DENND5A: variants seen among roughly 807,000 people sequenced by gnomAD.
DENND5A encodes DENN domain-containing protein 5A.
In DENND5A, 64 loss-of-function variants were observed where a neutral mutation model predicts 140.3. That is an observed-to-expected ratio of 0.46 (90% CI 0.37 to 0.56). The LOEUF (loss-of-function observed/expected upper bound fraction) is 0.56. Ranked by LOEUF, DENND5A falls within the 20% of genes least tolerant of loss-of-function variation. DENND5A has a pLI of 0.00. For missense variants in DENND5A, 1,292 were observed against 1,593.8 expected (o/e 0.81, Z 3.22); for synonymous variants, 605 against 607.7 (o/e 1.00, Z 0.07).
chr11:9,166,235 C>T (rs975997116), intron 10 of DENND5A, among the ~76,000 whole-genome samples: 3 of 151,892 alleles, frequency 2.0e-5, no homozygotes, highest in African/African-American at 4.8e-5. Flanking sequence ...TGTGCCACCA[C>T]GCCCGGCTAA....
At chr11:9,147,697 G>T (rs1157345733) in intron 15 of DENND5A, among the ~76,000 whole-genome samples, 5 of 152,240 alleles carry the variant, frequency 3.3e-5, no homozygotes, top group Non-Finnish European at 7.3e-5. Context: ...CCAGGTCACA[G>T]GCAAGGAAGA....
At chr11:9,250,166 A>G (rs893492904) in intron 1 of DENND5A, among the ~76,000 whole-genome samples, 2 of 152,026 alleles carry the variant, frequency 1.3e-5, no homozygotes, top group African/African-American at 2.4e-5. Flanking sequence ...CATGCATATT[A>G]TAGGCTACAC....
chr11:9,256,947 T>C (rs1851972280), intron 1 of DENND5A, among the ~76,000 whole-genome samples: 1 of 152,104 alleles, frequency 6.6e-6, no homozygotes, highest in South Asian at 2.1e-4. Flanking sequence ...ATAAAGCAAA[T>C]GGGGCAAAAT....
chr11:9,182,315 C>G (rs1848759704), intron 5 of DENND5A, among the ~76,000 whole-genome samples: 1 of 152,094 alleles, frequency 6.6e-6, no homozygotes, highest in African/African-American at 2.4e-5. Flanking sequence ...GACTCCCTCT[C>G]AAAAAACAAA....
intron 1 of DENND5A, among the ~76,000 whole-genome samples, chr11:9,231,188 G>C (rs1850754306): frequency 1.3e-5 from 2 of 152,156 alleles, no homozygotes; most frequent in Non-Finnish European, 2.9e-5. Context: ...CATGAAAACA[G>C]GACACATAAA....
intron 4 of DENND5A, among the ~76,000 whole-genome samples, chr11:9,198,311 A>G (rs964730472): frequency 6.2e-5 from 9 of 144,768 alleles, no homozygotes; most frequent in Non-Finnish European, 1.2e-4. Flanking sequence ...CTCCACTTTA[A>G]AAAAAAAAAA....
At chr11:9,142,879 G>T (rs748911952) in intron 20 of DENND5A, 34 bp from the exon 21 acceptor site, 1 of 1,609,954 alleles carries the variant, frequency 6.2e-7, no homozygotes, top group Non-Finnish European at 8.5e-7. Flanking sequence ...TGCCAGGCTT[G>T]TCTCAGCCGA....
At chr11:9,243,616 G>A (rs542486395) in intron 1 of DENND5A, among the ~76,000 whole-genome samples, 11 of 152,258 alleles carry the variant, frequency 7.2e-5, no homozygotes, top group South Asian at 6.2e-4. Flanking sequence ...AGCCAGGCAC[G>A]GTGGCTCACA....
intron 5 of DENND5A, among the ~76,000 whole-genome samples, chr11:9,191,655 G>A (rs576441428): frequency 3.9e-5 from 6 of 152,310 alleles, no homozygotes; most frequent in Admixed American, 1.3e-4. Context: ...AGGGAACAAC[G>A]TTGAAAAATC....
chr11:9,214,735 T>G (rs1850019961), intron 1 of DENND5A, among the ~76,000 whole-genome samples: 1 of 152,172 alleles, frequency 6.6e-6, no homozygotes, highest in African/African-American at 2.4e-5. Flanking sequence ...TTTTGTTTTG[T>G]TTTTTTGAGA....
chr11:9,167,635 A>AAAC (rs917128745), intron 10 of DENND5A, among the ~76,000 whole-genome samples: 1 of 151,770 alleles, frequency 6.6e-6, no homozygotes, highest in African/African-American at 2.4e-5. Context: ...AAAAAGACCA[A>AAAC]AACAACAACA....
Position 9,156,870 on chromosome 11 carries a change from T to TGGAAGGAAGGAAGGAAGGAAGGAAGGAA in DENND5A, c.2436+3815_2436+3842dup, listed in dbSNP as rs3074636. The stretch of plus-strand genomic sequence containing the variant: ...AGGGACAGAGGGATGGAAGGATGGA[T>TGGAAGGAAGGAAGGAAGGAAGGAAGGAA]GGAAGGAAGGAAGGAAGGAAGGAAG... On this transcript the variant is annotated intron_variant, in intron 12 of 22. Transcript: ENST00000328194. 8.9e-4 allele frequency among the ~76,000 whole-genome samples: 127 copies of TGGAAGGAAGGAAGGAAGGAAGGAAGGAA among 142,636 alleles called. 1 individual carries two copies. The highest frequency in any genetic ancestry group is 3.1e-3 in the African/African-American group (118 of 37,892). 93.6% of individuals were successfully genotyped at this position (142,636 alleles called of 152,430 possible).
chr11:9,141,309 G>C (rs900019328), intron 22 of DENND5A, among the ~76,000 whole-genome samples: 4 of 152,112 alleles, frequency 2.6e-5, no homozygotes, highest in African/African-American at 9.7e-5. Context: ...CCTCTGCCCC[G>C]AGTTACATAC....
At position 9,203,744 on chromosome 11, in the gene DENND5A, C is replaced by T. The variant is rs1849595910; in HGVS notation, c.865G>A (p.Val289Ile). 1 of 1,614,186 alleles carries T rather than the reference C, an allele frequency of 6.2e-7. No individual in the cohort carries two copies. The highest frequency in any genetic ancestry group is 8.5e-7 in the Non-Finnish European group (1 of 1,180,012). ...TTCTCCACCCCGAGCAGTTCAAAAA[C>T]CTCTTTGACAGGAAAGTCAAATAGG... ...LPLFDFPVKE[V>I]FELLGVENVF... Residue 289 changes from valine to isoleucine, a missense_variant, in exon 4 of 23, where the codon GTT (valine) becomes ATT (isoleucine). Physicochemically the swap from Val to Ile is conservative, Grantham distance 29. Coordinates refer to ENST00000328194, the MANE Select transcript of DENND5A (RefSeq NM_015213.4).
At chr11:9,192,695 C>T (rs1267480650) in intron 5 of DENND5A, among the ~76,000 whole-genome samples, 1 of 150,378 alleles carries the variant, frequency 6.6e-6, no homozygotes, top group Non-Finnish European at 1.5e-5. Flanking sequence ...AAGGAGGAAA[C>T]GAAGAGTCAT....
chr11:9,240,751 T>C (rs755651423), intron 1 of DENND5A, among the ~76,000 whole-genome samples: 9 of 151,830 alleles, frequency 5.9e-5, no homozygotes, highest in Non-Finnish European at 1.3e-4. Flanking sequence ...CTTTCCTGCC[T>C]TGTTTCAGTG....
intron 1 of DENND5A, among the ~76,000 whole-genome samples, chr11:9,243,593 T>C (rs1383209325): frequency 6.6e-6 from 1 of 152,028 alleles, no homozygotes; most frequent in African/African-American, 2.4e-5. Context: ...AGGATAAATA[T>C]ATTTTATTTC....
At chr11:9,206,647 C>T (rs1384534448) in intron 3 of DENND5A, 26 bp downstream of exon 3, 1 of 1,486,038 alleles carries the variant, frequency 6.7e-7, no homozygotes, top group South Asian at 1.1e-5. Flanking sequence ...TAAATTATCT[C>T]ATACTTGTGG....
At chr11:9,253,130 G>C (rs941435156) in intron 1 of DENND5A, among the ~76,000 whole-genome samples, 1 of 152,064 alleles carries the variant, frequency 6.6e-6, no homozygotes, top group Non-Finnish European at 1.5e-5. Flanking sequence ...TGGGATTACA[G>C]GCATGAGCTA....
Sources: gnomAD v4.1 joint callset for allele counts (sites outside exome capture counted in the v4.1 genomes callset) on GRCh38, gnomAD v4.1.1 for gene constraint, MANE v1.5 for transcripts, NCBI Gene and HGNC (gene_info 2026-07-23, HGNC 2026-07-21) for gene names.